MID2: variants seen among roughly 807,000 people sequenced by gnomAD.
MID2 encodes the protein probable E3 ubiquitin-protein ligase MID2.
MID2 carries 13 observed loss-of-function variants against 46.1 expected under a neutral mutation model. The observed-to-expected ratio is 0.28, with a 90% CI of 0.18 to 0.45. The LOEUF (loss-of-function observed/expected upper bound fraction) is 0.45. Among genes scored for constraint, MID2 ranks in the 20% least tolerant of loss-of-function variants. The pLI, the probability that MID2 is intolerant of heterozygous loss-of-function variation, is 1.00. For missense variants in MID2, 431 were observed against 575.4 expected, an observed-to-expected ratio of 0.75 and a Z score of 2.57; for synonymous variants, 199 against 212.3, an observed-to-expected ratio of 0.94 and a Z score of 0.55.
chrX:107,886,715 G>C (rs1239802351), intron 3 of MID2, among the ~76,000 whole-genome samples: 1 of 111,687 alleles, frequency 9.0e-6, no homozygotes, highest in Non-Finnish European at 1.9e-5. Context: ...ACCTTGGGCA[G>C]TATGGCCATT....
rs1933200322 is a variant in MID2, at chrX:107,927,296, T to C, written c.*223T>C. 2 of 309,423 alleles carry C rather than the reference T, an allele frequency of 6.5e-6. No individual in the cohort carries two copies. The highest frequency in any genetic ancestry group is 5.4e-5 in the African/African-American group (2 of 36,708). The allele number at this position is 309,423 out of a possible 1,213,427, so 25.5% of individuals were successfully genotyped here. On this transcript the variant is annotated 3_prime_UTR_variant, in exon 10 of 10. Transcript: ENST00000262843. ...TCTGAGTAGTCTGCGTTCAAGCCAT[T>C]GGAGAAAAATTTAGAAAATGCCTCT...
In MID2 at chrX:107,927,705, C is replaced by T. The variant is rs1271402323; in HGVS notation, c.*632C>T. Among the ~76,000 whole-genome samples the T allele has an allele frequency of 9.0e-6, 1 of 111,333 alleles. No homozygotes were observed. The highest frequency in any genetic ancestry group is 3.3e-5 in the African/African-American group (1 of 30,628). On this transcript the variant is annotated 3_prime_UTR_variant, in exon 10 of 10. Coordinates refer to ENST00000262843, the MANE Select transcript of MID2 (RefSeq NM_012216.4). ...AAACTTTTTTTTCCAAACACCACCT[C>T]GAACTAGAACAAAAAACTTTTTAAT...
chrX:107,926,609 G>A (rs1933184437), intron 9 of MID2, 62 bp from the exon 10 acceptor site: 2 of 1,048,101 alleles, frequency 1.9e-6, no homozygotes, highest in Non-Finnish European at 2.6e-6. Context: ...CATATATGGT[G>A]TCTTACACAA....
intron 3 of MID2, among the ~76,000 whole-genome samples, chrX:107,902,906 G>A: frequency 9.0e-6 from 1 of 111,008 alleles, no homozygotes; most frequent in South Asian, 3.8e-4. Flanking sequence ...ACTGCTCTGT[G>A]TGCTGCTGAA....
rs5962413 is a variant in MID2, at chrX:107,854,911, A to G, written c.816+207A>G. On this transcript the variant is annotated intron_variant, in intron 3 of 9. Transcript: ENST00000262843. The stretch of plus-strand genomic sequence containing the variant: ...AAAAGAATAGACGGTGATGATGGAC[A>G]GTGGGGGGATAATAGTTCAAGGGGC... 0.071 allele frequency among the ~76,000 whole-genome samples: 7,885 copies of G among 111,516 alleles called. 717 individuals carry two copies. The highest frequency in any genetic ancestry group is 0.24 in the African/African-American group (7,414 of 30,490).
chrX:107,908,540 A>G (rs964232144), intron 5 of MID2, among the ~76,000 whole-genome samples: 4 of 110,739 alleles, frequency 3.6e-5, no homozygotes, highest in Middle Eastern at 4.6e-3. Context: ...TATAACTTTC[A>G]TCTCTAGTTT....
chrX:107,920,322 C>T (rs1479551540), intron 7 of MID2, among the ~76,000 whole-genome samples: 2 of 111,918 alleles, frequency 1.8e-5, no homozygotes, highest in Admixed American at 9.5e-5. Context: ...TTCTTCCCAC[C>T]TCTTCTAAGA....
chrX:107,885,655 A>C (rs191536368), intron 3 of MID2, among the ~76,000 whole-genome samples: 1 of 111,529 alleles, frequency 9.0e-6, no homozygotes, highest in Non-Finnish European at 1.9e-5. Flanking sequence ...GATGGCTGGG[A>C]CAAATGGTAT....
At chrX:107,919,266 G>A (rs773066047) in intron 7 of MID2, among the ~76,000 whole-genome samples, 38 of 111,370 alleles carry the variant, frequency 3.4e-4, no homozygotes, top group African/African-American at 1.2e-3. Context: ...TGCTTACTTA[G>A]CCTTATAAAA....
chrX:107,859,083 G>A (rs1039120024), intron 3 of MID2, among the ~76,000 whole-genome samples: 15 of 111,613 alleles, frequency 1.3e-4, no homozygotes, highest in African/African-American at 4.9e-4. Flanking sequence ...CAGATGGGCT[G>A]GTATTTTCTT....
intron 8 of MID2, among the ~76,000 whole-genome samples, chrX:107,924,880 A>G (rs1259779712): frequency 8.9e-6 from 1 of 112,673 alleles, no homozygotes; most frequent in Non-Finnish European, 1.9e-5. Flanking sequence ...TGCAACTAAC[A>G]TAGCTTAACA....
At chrX:107,879,401 C>A (rs1215330580) in intron 3 of MID2, among the ~76,000 whole-genome samples, 1 of 111,987 alleles carries the variant, frequency 8.9e-6, no homozygotes. Flanking sequence ...GTCCAGCCAT[C>A]CCCGACCAGA....
chrX:107,929,352 A>T lies in MID2; in HGVS notation c.*2279A>T, dbSNP rs1260094292. ...TTCACTGGCTCCCTTAGCACCCAGT[A>T]GAAGGTCCCAACTCCTTACAGAGTC... On this transcript the variant is annotated 3_prime_UTR_variant, in exon 10 of 10. Transcript: ENST00000262843. Among the ~76,000 whole-genome samples the T allele has an allele frequency of 9.0e-6, 1 of 111,067 alleles. No individual in the cohort carries two copies. The highest frequency in any genetic ancestry group is 1.9e-5 in the Non-Finnish European group (1 of 52,923).
intron 7 of MID2, among the ~76,000 whole-genome samples, chrX:107,923,054 A>G (rs150192041): frequency 0.018 from 1,974 of 111,902 alleles, 38 homozygotes; most frequent in African/African-American, 0.061. Context: ...TCTCCTGCAT[A>G]TCTGTTTGCC....
intron 3 of MID2, among the ~76,000 whole-genome samples, chrX:107,864,990 C>T (rs776805677): frequency 8.9e-6 from 1 of 112,077 alleles, no homozygotes; most frequent in East Asian, 2.8e-4. Flanking sequence ...TCATTTAATC[C>T]ACACAATAAC....
chrX:107,826,524 G>C, intron 1 of MID2, 94 bp downstream of exon 1: 1 of 1,017,508 alleles, frequency 9.8e-7, no homozygotes, highest in Non-Finnish European at 1.3e-6. Context: ...AGGTGCCGCC[G>C]GGGCCCGGCG....
intron 3 of MID2, among the ~76,000 whole-genome samples, chrX:107,882,942 G>T (rs570684989): frequency 1.8e-5 from 2 of 111,941 alleles, no homozygotes; most frequent in African/African-American, 6.5e-5. Context: ...TAAAGACTTA[G>T]AACCAACCCA....
chrX:107,837,522 G>A (rs376682730), intron 1 of MID2, among the ~76,000 whole-genome samples: 2 of 98,427 alleles, frequency 2.0e-5, no homozygotes, highest in East Asian at 3.1e-4. Context: ...AAAAATAGAC[G>A]TAGAAACATG....
At chrX:107,849,647 A>G (rs1281650598) in intron 2 of MID2, among the ~76,000 whole-genome samples, 2 of 112,048 alleles carry the variant, frequency 1.8e-5, no homozygotes, top group African/African-American at 6.5e-5. Flanking sequence ...AACACAATAA[A>G]ACTTGGGTAA....
Sources: allele counts gnomAD v4.1 joint callset (sites outside exome capture counted in the v4.1 genomes callset), GRCh38; gene constraint gnomAD v4.1.1; transcripts MANE v1.5; gene names NCBI Gene and HGNC (gene_info 2026-07-23, HGNC 2026-07-21).